The following IMMP2L variants were observed in gnomAD, a reference collection of about 807,000 sequenced individuals.
IMMP2L encodes the protein mitochondrial inner membrane protease subunit 2.
A neutral mutation model predicts 19.3 loss-of-function variants in IMMP2L; 18 were observed. That is an observed-to-expected ratio of 0.93 (90% CI 0.64 to 1.38). The LOEUF (loss-of-function observed/expected upper bound fraction) is 1.38. Ranked by LOEUF, IMMP2L falls within the 40% of genes most tolerant of loss-of-function variation. The pLI, the probability that IMMP2L is intolerant of heterozygous loss-of-function variation, is 0.00. For synonymous variants in IMMP2L, 76 were observed against 73.0 expected (o/e 1.04, Z -0.21); for missense variants, 233 against 218.2 (o/e 1.07, Z -0.43).
chr7:111,314,566 T>C (rs1368385794), intron 3 of IMMP2L, among the ~76,000 whole-genome samples: 1 of 152,166 alleles, frequency 6.6e-6, no homozygotes, highest in Admixed American at 6.6e-5. Flanking sequence ...TTTAGAAAGC[T>C]GTTCTAGTAT....
In IMMP2L at chr7:110,760,736, C is replaced by T. The variant is rs1584747263; in HGVS notation, c.409-97015G>A. Among the ~76,000 whole-genome samples the T allele has an allele frequency of 6.6e-6, 1 of 152,058 alleles. No individual in the cohort carries two copies. The highest frequency in any genetic ancestry group is 2.4e-5 in the African/African-American group (1 of 41,416). On this transcript the variant is annotated intron_variant, in intron 5 of 5. Transcript: ENST00000405709. This position sits in a 1 kb window ranked among gnomAD's most constrained non-coding sequence, Gnocchi z 4.2. Reference sequence around the variant, plus strand: ...CAAAATCTCTCATAGCACTTCAATACCTGGAATATCTCAAAAGGTTTGCTG... The same window carrying T: ...CAAAATCTCTCATAGCACTTCAATATCTGGAATATCTCAAAAGGTTTGCTG...
chr7:111,510,562 A>G (rs977642620), intron 2 of IMMP2L, among the ~76,000 whole-genome samples: 21 of 152,100 alleles, frequency 1.4e-4, no homozygotes, highest in African/African-American at 4.8e-4. Flanking sequence ...CCTTTCATAT[A>G]CAAACTAACC....
intron 3 of IMMP2L, among the ~76,000 whole-genome samples, chr7:111,330,510 G>GA (rs202112167): frequency 9.5e-5 from 14 of 146,608 alleles, no homozygotes; most frequent in African/African-American, 1.5e-4. Context: ...GGGGTGGGGG[G>GA]AAAAAAAAAA....
intron 3 of IMMP2L, among the ~76,000 whole-genome samples, chr7:111,281,245 A>G (rs1263991466): frequency 2.2e-5 from 3 of 137,050 alleles, no homozygotes; most frequent in Non-Finnish European, 4.7e-5. Context: ...AGAAAGAAAG[A>G]AGAGAGAGAG....
At chr7:111,194,386 C>T (rs1223323497) in intron 3 of IMMP2L, among the ~76,000 whole-genome samples, 2 of 152,106 alleles carry the variant, frequency 1.3e-5, no homozygotes, top group Non-Finnish European at 2.9e-5. Flanking sequence ...TTTATCTTGC[C>T]TAAGGAGCAG....
At chr7:111,080,575 T>A (rs1239904626) in intron 3 of IMMP2L, among the ~76,000 whole-genome samples, 1 of 152,072 alleles carries the variant, frequency 6.6e-6, no homozygotes, top group East Asian at 1.9e-4. Flanking sequence ...AAAAAGATTA[T>A]AAGTGATTGA....
chr7:111,379,111 C>T (rs60626068), intron 3 of IMMP2L, among the ~76,000 whole-genome samples: 3,172 of 148,564 alleles, frequency 0.021, 117 homozygotes, highest in African/African-American at 0.074. Flanking sequence ...ATCTGTTTAT[C>T]AACTGAAGAA....
chr7:110,999,623 A>C (rs1436500041), intron 3 of IMMP2L, among the ~76,000 whole-genome samples: 1 of 150,750 alleles, frequency 6.6e-6, no homozygotes, highest in African/African-American at 2.4e-5. Flanking sequence ...AAAAAAAAAA[A>C]CCAAGATACG....
rs149796321 is a variant in IMMP2L, at chr7:110,987,796, C to G, written c.240-24231G>C. On this transcript the variant is annotated intron_variant, in intron 3 of 5. Transcript: ENST00000405709. The stretch of plus-strand genomic sequence containing the variant: ...CATAGATGGTATGGGCAACATGGCT[C>G]TATGATTTAGTTAAGAACCATTACA... Among the ~76,000 whole-genome samples the G allele has an allele frequency of 4.8e-4, 73 of 152,190 alleles. 1 individual carries two copies. Among genetic ancestry groups the G allele is most frequent in the African/African-American group, 1.7e-3 (70 of 41,548 alleles).
chr7:110,986,977 A>T (rs1821928423), intron 3 of IMMP2L, among the ~76,000 whole-genome samples: 1 of 152,148 alleles, frequency 6.6e-6, no homozygotes, highest in Admixed American at 6.6e-5. Context: ...TATGATTAGA[A>T]TATCCAGTTA....
In IMMP2L at chr7:111,516,514, A is replaced by C. The variant is rs142944260; in HGVS notation, c.135+4799T>G. Among the ~76,000 whole-genome samples the C allele has an allele frequency of 5.6e-4, 85 of 152,264 alleles. 2 individuals carry two copies. Among genetic ancestry groups the C allele is most frequent in the African/African-American group, 1.9e-3 (79 of 41,560 alleles). The stretch of plus-strand genomic sequence containing the variant: ...AACTTTTGTGTAAATCTAAATTTAC[A>C]ACAAGTTTTTAAAAAGTGTAATAAA... On this transcript the variant is annotated intron_variant, in intron 2 of 5. Coordinates refer to ENST00000405709, the MANE Select transcript of IMMP2L (RefSeq NM_032549.4).
intron 2 of IMMP2L, among the ~76,000 whole-genome samples, chr7:111,492,026 C>T (rs191479824): frequency 6.6e-4 from 100 of 151,778 alleles, no homozygotes; most frequent in Middle Eastern, 3.4e-3. Flanking sequence ...GATCAAAAAT[C>T]CCAAGTTCAC....
intron 3 of IMMP2L, among the ~76,000 whole-genome samples, chr7:111,048,543 T>C (rs565744236): frequency 6.6e-6 from 1 of 152,250 alleles, no homozygotes; most frequent in Admixed American, 6.5e-5. Context: ...GTACTTAACA[T>C]ACTAACACTG....
intron 5 of IMMP2L, among the ~76,000 whole-genome samples, chr7:110,823,864 T>A (rs544436501): frequency 6.6e-6 from 1 of 152,216 alleles, no homozygotes; most frequent in African/African-American, 2.4e-5. Context: ...ATTCATTAAT[T>A]AATAACAGTA....
chr7:111,310,159 C>T (rs548007472), intron 3 of IMMP2L, among the ~76,000 whole-genome samples: 28 of 150,542 alleles, frequency 1.9e-4, no homozygotes, highest in Admixed American at 1.1e-3. Context: ...CGCTTGAACC[C>T]GGGAGGTGGA....
intron 3 of IMMP2L, among the ~76,000 whole-genome samples, chr7:111,411,090 T>TAAAAAAAAAAAAAAAAAAAAACA (rs536367628): frequency 1.3e-5 from 1 of 78,876 alleles, no homozygotes; most frequent in African/African-American, 4.4e-5. Context: ...ATCAAATTGC[T>TAAAAAAAAAAAAAAAAAAAAACA]AAAAAAAAAA....
rs1443513827 is a variant in IMMP2L at position 110,924,893 on chromosome 7, T to C, written c.306-38198A>G. The stretch of plus-strand genomic sequence containing the variant: ...AGAGCCTTATATTTCAAGAAAATGG[T>C]ATATTCAAAAAAGGTTATTTTCTGT... On this transcript the variant is annotated intron_variant, in intron 4 of 5. Coordinates refer to ENST00000405709, the MANE Select transcript of IMMP2L (RefSeq NM_032549.4). The surrounding 1 kb of genome is among the most constrained non-coding windows in gnomAD (Gnocchi z 4.2). Among the ~76,000 whole-genome samples the C allele has an allele frequency of 2.0e-5, 3 of 152,110 alleles. No homozygotes were observed. The highest frequency in any genetic ancestry group is 7.2e-5 in the African/African-American group (3 of 41,424).
intron 3 of IMMP2L, among the ~76,000 whole-genome samples, chr7:111,083,625 G>T (rs2129576725): frequency 6.6e-6 from 1 of 152,290 alleles, no homozygotes; most frequent in East Asian, 1.9e-4. Context: ...TCACTAGCGT[G>T]ACAACTGTAG....
At chr7:110,912,059 C>T (rs763308872) in intron 4 of IMMP2L, among the ~76,000 whole-genome samples, 9 of 151,990 alleles carry the variant, frequency 5.9e-5, no homozygotes, top group African/African-American at 1.7e-4. Context: ...AAGTGAGAGG[C>T]TTCTTTCCAG....
Sources: gnomAD v4.1 joint callset for allele counts (sites outside exome capture counted in the v4.1 genomes callset) on GRCh38, gnomAD v4.1.1 for gene constraint, Gnocchi (gnomAD v3.1) non-coding constraint, MANE v1.5 for transcripts, NCBI Gene and HGNC (gene_info 2026-07-23, HGNC 2026-07-21) for gene names.